Variants in CD276 observed in about 807,000 individuals in gnomAD.
CD276 encodes CD276 antigen.
Under a neutral mutation model 50.0 loss-of-function variants are expected in CD276, and 34 were observed. The observed-to-expected ratio is 0.68, with a 90% confidence interval of 0.52 to 0.91. The LOEUF is 0.91. Among genes scored for constraint, CD276 ranks in the 40% least tolerant of loss-of-function variants. The probability of loss-of-function intolerance (pLI) is 0.00; values close to 1 mark genes in which losing one functional copy is unlikely to be tolerated. For missense variants in CD276, 634 were observed against 717.5 expected (o/e 0.88, Z 1.33); for synonymous variants, 275 against 313.0 (o/e 0.88, Z 1.28).
At chr15:73,709,591 G>A in intron 7 of CD276, 57 bp from the exon 8 acceptor site, 1 of 1,572,688 alleles carries the variant, frequency 6.4e-7, no homozygotes, top group Non-Finnish European at 8.7e-7. Flanking sequence ...GGAAAGTGCT[G>A]GCATGAAAAT....
At chr15:73,702,657 C>G (rs909418259) in intron 3 of CD276, 64 bp downstream of exon 3, 7 of 1,558,096 alleles carry the variant, frequency 4.5e-6, no homozygotes, top group Admixed American at 1.8e-5. Flanking sequence ...CAGCCCACCC[C>G]CTGCTGCACC....
rs1407489260 is a variant in CD276, at chr15:73,688,482, G to A, written c.-55+4022G>A. ...TAAACTTGGTCATGTGTTCAGCAAG[G>A]CATCGGTGTCAGGATTGAAACCCAA... On this transcript the variant is annotated intron_variant, in intron 1 of 9. Transcript: ENST00000318443. Among the ~76,000 whole-genome samples the A allele has an allele frequency of 2.0e-5, 3 of 152,158 alleles. No individual in the cohort carries two copies. In the East Asian group the frequency reaches 5.8e-4, roughly 29 times the overall value.
chr15:73,694,942 A>G (rs951618888), intron 1 of CD276, among the ~76,000 whole-genome samples: 13 of 152,206 alleles, frequency 8.5e-5, no homozygotes, highest in African/African-American at 2.7e-4. Context: ...ACAAGGGTGC[A>G]GTGGGTTCTG....
chr15:73,692,859 A>G (rs1002425876), intron 1 of CD276, among the ~76,000 whole-genome samples: 3 of 152,256 alleles, frequency 2.0e-5, no homozygotes, highest in Non-Finnish European at 2.9e-5. Flanking sequence ...GGAACAACAG[A>G]TCGATAATCT....
chr15:73,713,033 T>C lies in CD276; in HGVS notation c.*77T>C, dbSNP rs1900973388. 1 of 1,365,656 alleles carries C rather than the reference T, an allele frequency of 7.3e-7. No homozygotes were observed. The highest frequency in any genetic ancestry group is 1.9e-5 in the Admixed American group (1 of 53,238). The allele number at this position is 1,365,656 out of a possible 1,614,324, so 84.6% of individuals were successfully genotyped here. A position where few individuals can be genotyped will look rare whatever the true frequency, so the allele number is the denominator to read the frequency against. ...TGCAATGGGGCTGCACTGTGAGCCC[T>C]GCCCCCAACAGATGCATCCTGCTCT... is the stretch of plus-strand genomic sequence containing the variant. On this transcript the variant is annotated 3_prime_UTR_variant, in exon 10 of 10. Coordinates refer to ENST00000318443, the MANE Select transcript of CD276 (RefSeq NM_001024736.2).
intron 1 of CD276, among the ~76,000 whole-genome samples, chr15:73,697,347 G>A (rs1175016302): frequency 6.6e-6 from 1 of 151,810 alleles, no homozygotes; most frequent in South Asian, 2.1e-4. Flanking sequence ...CCCAGCTGCT[G>A]GGGGTGTGTG....
At chr15:73,691,801 A>G (rs2036041558) in intron 1 of CD276, among the ~76,000 whole-genome samples, 1 of 152,268 alleles carries the variant, frequency 6.6e-6, no homozygotes. Flanking sequence ...CAAGGAAAGA[A>G]GGAGCAGAAG....
Position 73,704,251 on chromosome 15 carries a change from G to T in CD276, c.1148G>T (p.Cys383Phe). Reference sequence around the variant, plus strand: ...CCAGGGGACACGGTGACCATCACGTGCTCCAGCTACCGGGGCTACCCTGAG... The same window carrying T: ...CCAGGGGACACGGTGACCATCACGTTCTCCAGCTACCGGGGCTACCCTGAG... ...LRPGDTVTIT[C>F]SSYRGYPEAE... The change falls in exon 6 of 10, where the codon TGC (cysteine) becomes TTC (phenylalanine). Residue 383 changes from cysteine (C) to phenylalanine (F), a missense_variant. Coordinates refer to ENST00000318443, the MANE Select transcript of CD276 (RefSeq NM_001024736.2). This position sits in a 1 kb window ranked among gnomAD's most constrained non-coding sequence, Gnocchi z 4.1. 1 of 1,614,196 alleles carries T rather than the reference G, an allele frequency of 6.2e-7. No individual in the cohort carries two copies. Among genetic ancestry groups the T allele is most frequent in the Non-Finnish European group, 8.5e-7 (1 of 1,180,044 alleles).
chr15:73,703,746 C>T lies in CD276; in HGVS notation c.821C>T (p.Pro274Leu). Residue 274 changes from proline to leucine, a missense_variant, in exon 5 of 10, where the codon CCT becomes CTT. By Grantham distance (98) the Pro-to-Leu change is moderately conservative. Transcript: ENST00000318443. ...CTGCGCTGCTCCTTCTCCCCCGAGC[C>T]TGGCTTCAGCCTGGCACAGCTCAAC... ...ATLRCSFSPEPGFSLAQLNLI... is the reference protein window; with the variant it reads ...ATLRCSFSPELGFSLAQLNLI... 7 of 1,613,584 alleles carry T rather than the reference C, an allele frequency of 4.3e-6. No homozygotes were observed. Among genetic ancestry groups the T allele is most frequent in the Non-Finnish European group, 5.9e-6 (7 of 1,180,008 alleles).
At chr15:73,692,315 T>A (rs1425774577) in intron 1 of CD276, among the ~76,000 whole-genome samples, 1 of 152,174 alleles carries the variant, frequency 6.6e-6, no homozygotes, top group Non-Finnish European at 1.5e-5. Context: ...AAAAAACTGG[T>A]CATATTCTAT....
rs1286394602 is a variant in CD276, at chr15:73,704,358, T to C, written c.1255T>C (p.Leu419=). The C allele has an allele frequency of 6.2e-7, 1 of 1,614,066 alleles. No individual in the cohort carries two copies. The part of the protein sequence containing the change: ...TTSQMANEQG[L]FDVHSVLRVV... ...GTCGCAGATGGCCAACGAGCAGGGC[T>C]TGTTTGATGTGCACAGCGTCCTGCG... is the stretch of plus-strand genomic sequence containing the variant. The change falls in exon 6 of 10, where the codon TTG becomes CTG. Residue 419 remains leucine (L), a synonymous_variant. Coordinates refer to ENST00000318443, the MANE Select transcript of CD276 (RefSeq NM_001024736.2). This position sits in a 1 kb window ranked among gnomAD's most constrained non-coding sequence, Gnocchi z 4.1.
intron 9 of CD276, chr15:73,711,469 AC>A: frequency 2.7e-6 from 1 of 368,590 alleles, no homozygotes; most frequent in Non-Finnish European, 5.0e-6. Context: ...GGTTCCACTT[AC>A]CTGGATTCTG....
chr15:73,708,326 C>T lies in CD276; in HGVS notation c.1370-13C>T, dbSNP rs1400874523. 1 of 1,613,142 alleles carries T rather than the reference C, an allele frequency of 6.2e-7. No individual in the cohort carries two copies. Among genetic ancestry groups the T allele is most frequent in the African/African-American group, 1.3e-5 (1 of 74,902 alleles). ...AGGCATGACAGTCTCACTGTTGCTA[C>T]TTTTCCTCTCAGGGCAGCCTATGAC... On this transcript the variant is annotated splice_polypyrimidine_tract_variant and intron_variant, in intron 6 of 9. Coordinates refer to ENST00000318443, the MANE Select transcript of CD276 (RefSeq NM_001024736.2).
Position 73,708,348 on chromosome 15 carries a change from T to C in CD276, c.1379T>C (p.Met460Thr), listed in dbSNP as rs760555580. The C allele has an allele frequency of 1.4e-5, 23 of 1,614,160 alleles. No homozygotes were observed. Among genetic ancestry groups the C allele is most frequent in the Non-Finnish European group, 1.9e-5 (22 of 1,180,026 alleles). ...HGSVTITGQP[M>T]TFPPEALWVT... is the part of the protein sequence containing the mutation. ...CTACTTTTCCTCTCAGGGCAGCCTA[T>C]GACATTCCCCCCAGAGGCCCTGTGG... is the stretch of plus-strand genomic sequence containing the variant. Residue 460 changes from methionine to threonine, a missense_variant, in exon 7 of 10, where the codon ATG (methionine) becomes ACG (threonine). By Grantham distance (81) the Met-to-Thr change is moderately conservative. Coordinates refer to ENST00000318443, the MANE Select transcript of CD276 (RefSeq NM_001024736.2).
At chr15:73,699,110 A>G (rs1247726057) in intron 1 of CD276, among the ~76,000 whole-genome samples, 4 of 152,196 alleles carry the variant, frequency 2.6e-5, no homozygotes, top group African/African-American at 4.8e-5. Context: ...CATGAAGCTC[A>G]GCTCTGACCG....
At chr15:73,690,457 T>C (rs1899943118) in intron 1 of CD276, among the ~76,000 whole-genome samples, 1 of 152,160 alleles carries the variant, frequency 6.6e-6, no homozygotes, top group Non-Finnish European at 1.5e-5. Context: ...CTGGGTAATA[T>C]ATAAAGAAAA....
At chr15:73,686,568 G>A (rs961935009) in intron 1 of CD276, among the ~76,000 whole-genome samples, 1 of 152,172 alleles carries the variant, frequency 6.6e-6, no homozygotes, top group Non-Finnish European at 1.5e-5. Flanking sequence ...CTTCCTGTGA[G>A]AATTCCATCA....
chr15:73,704,157 T>G lies in CD276; in HGVS notation c.1073-19T>G. The stretch of plus-strand genomic sequence containing the variant: ...CTGCCATTGCCCTGCCCTTGACCCC[T>G]GCCCTCTGTCACCTCCAGCTCCCTA... On this transcript the variant is annotated intron_variant, in intron 5 of 9. Transcript: ENST00000318443. This position sits in a 1 kb window ranked among gnomAD's most constrained non-coding sequence, Gnocchi z 4.1. 5.6e-6 allele frequency: 9 copies of G among 1,605,338 alleles called. No individual in the cohort carries two copies. The highest frequency in any genetic ancestry group is 6.8e-6 in the Non-Finnish European group (8 of 1,175,316).
rs747404529 is a variant in CD276, at chr15:73,703,636, T to C, written c.734-23T>C. ...AGAGTCCCATTTCTCCTCACCACCCTGCCCCTCTGACCCCGCCCCCAGGAG... is the reference window on the plus strand; with the variant it reads ...AGAGTCCCATTTCTCCTCACCACCCCGCCCCTCTGACCCCGCCCCCAGGAG... On this transcript the variant is annotated intron_variant, in intron 4 of 9. Transcript: ENST00000318443. 4.9e-5 allele frequency: 77 copies of C among 1,578,718 alleles called. No homozygotes were observed. In the African/African-American group the frequency reaches 9.7e-4, roughly 20 times the overall value.
Sources: allele counts gnomAD v4.1 joint callset (sites outside exome capture counted in the v4.1 genomes callset), GRCh38; gene constraint gnomAD v4.1.1; non-coding constraint Gnocchi (gnomAD v3.1); transcripts MANE v1.5; gene names NCBI Gene and HGNC (gene_info 2026-07-23, HGNC 2026-07-21).